CTNNA3: variants seen among roughly 807,000 people sequenced by gnomAD.
The protein encoded by CTNNA3 is catenin alpha-3.
Under a neutral mutation model 95.7 loss-of-function variants are expected in CTNNA3, and 76 were observed. That is an observed-to-expected ratio of 0.79 (90% CI 0.66 to 0.96). The LOEUF (loss-of-function observed/expected upper bound fraction) is 0.96. Among genes scored for constraint, CTNNA3 ranks in the 40% least tolerant of loss-of-function variants. CTNNA3 has a pLI of 0.00. For missense variants in CTNNA3, 1,191 were observed against 1,089.8 expected, an observed-to-expected ratio of 1.09 and a Z score of -1.31; for synonymous variants, 431 against 374.4, an observed-to-expected ratio of 1.15 and a Z score of -1.74.
intron 5 of CTNNA3, among the ~76,000 whole-genome samples, chr10:67,239,232 C>A (rs549677435): frequency 6.6e-6 from 1 of 152,062 alleles, no homozygotes; most frequent in East Asian, 1.9e-4. Context: ...AGAGGATACA[C>A]ACATATGGAA....
chr10:66,774,562 G>A (rs1840218457), intron 8 of CTNNA3, among the ~76,000 whole-genome samples: 1 of 40,872 alleles, frequency 2.4e-5, no homozygotes, highest in Non-Finnish European at 4.0e-5. Flanking sequence ...TAACTGGCTG[G>A]AGATCTCTAT....
chr10:65,988,557 A>G lies in CTNNA3; in HGVS notation c.2265+135T>C, dbSNP rs1195958483. The G allele has an allele frequency of 8.1e-6, 5 of 617,154 alleles. No individual in the cohort carries two copies. The East Asian group carries it at 1.4e-4, about 17-fold the overall frequency. 38.2% of individuals were successfully genotyped at this position (617,154 alleles called of 1,614,324 possible). ...CGTCCATTACCTAGTGTATTAATAG[A>G]GCTATTAGAAATTCAATTATAATTT... On this transcript the variant is annotated intron_variant, in intron 16 of 17. Coordinates refer to ENST00000433211, the MANE Select transcript of CTNNA3 (RefSeq NM_013266.4).
In CTNNA3 at chr10:67,162,154, T is replaced by C. The variant is rs116017422; in HGVS notation, c.1047+18163A>G. Reference sequence around the variant, plus strand: ...AAAATCAGCTAGGATATAGAAAAATTCAACAATACCATCAACCAACAGATT... The same window carrying C: ...AAAATCAGCTAGGATATAGAAAAATCCAACAATACCATCAACCAACAGATT... On this transcript the variant is annotated intron_variant, in intron 7 of 17. Transcript: ENST00000433211. 5.1e-3 allele frequency among the ~76,000 whole-genome samples: 779 copies of C among 152,094 alleles called. 6 individuals carry two copies. The highest frequency in any genetic ancestry group is 0.018 in the African/African-American group (729 of 41,548).
chr10:67,294,073 T>C (rs1161710485), intron 5 of CTNNA3, among the ~76,000 whole-genome samples: 1 of 152,144 alleles, frequency 6.6e-6, no homozygotes, highest in African/African-American at 2.4e-5. Flanking sequence ...GCTTATCTAA[T>C]ACCAGTCAAA....
chr10:66,046,725 A>G (rs533790321), intron 15 of CTNNA3, among the ~76,000 whole-genome samples: 214 of 152,252 alleles, frequency 1.4e-3, no homozygotes, highest in Non-Finnish European at 2.0e-3. Context: ...TATTATACCT[A>G]GACAAATAAG....
chr10:67,622,613 C>T (rs921322086), intron 2 of CTNNA3, among the ~76,000 whole-genome samples: 6 of 152,192 alleles, frequency 3.9e-5, no homozygotes, highest in Admixed American at 6.5e-5. Context: ...GTATCCTTGC[C>T]ATGCACGCTC....
chr10:67,461,915 A>C (rs954588532), intron 5 of CTNNA3, among the ~76,000 whole-genome samples: 4 of 152,224 alleles, frequency 2.6e-5, no homozygotes, highest in Non-Finnish European at 4.4e-5. Context: ...GTATGAATTC[A>C]CAGAAGAAAT....
intron 13 of CTNNA3, among the ~76,000 whole-genome samples, chr10:66,106,133 G>T (rs1292412198): frequency 6.6e-6 from 1 of 151,820 alleles, no homozygotes; most frequent in Non-Finnish European, 1.5e-5. Flanking sequence ...CTTGAATCCA[G>T]GCGGCGGAGG....
chr10:66,589,139 T>C (rs1320767715), intron 10 of CTNNA3, among the ~76,000 whole-genome samples: 5 of 152,064 alleles, frequency 3.3e-5, no homozygotes, highest in Non-Finnish European at 7.4e-5. Context: ...AGTTTCACTT[T>C]GTCCTGAAGT....
At chr10:67,707,516 T>G (rs1336806813) in intron 1 of CTNNA3, among the ~76,000 whole-genome samples, 3 of 152,146 alleles carry the variant, frequency 2.0e-5, no homozygotes, top group African/African-American at 7.2e-5. Flanking sequence ...ATCCTTCACC[T>G]TCTCATAGAG....
At chr10:67,317,637 G>T (rs1204653718) in intron 5 of CTNNA3, among the ~76,000 whole-genome samples, 3 of 152,108 alleles carry the variant, frequency 2.0e-5, no homozygotes, top group African/African-American at 4.8e-5. Flanking sequence ...ATGTTAGCCA[G>T]GATGGTGTCG....
At chr10:67,510,687 G>A (rs1839593982) in intron 5 of CTNNA3, among the ~76,000 whole-genome samples, 1 of 151,926 alleles carries the variant, frequency 6.6e-6, no homozygotes, top group South Asian at 2.1e-4. Context: ...GCTCTTTTTT[G>A]GTTCTGTATG....
chr10:67,238,840 G>T (rs1199859979), intron 5 of CTNNA3, among the ~76,000 whole-genome samples: 1 of 151,970 alleles, frequency 6.6e-6, no homozygotes, highest in Non-Finnish European at 1.5e-5. Context: ...TTGAATGCAA[G>T]TACTATGGCT....
At chr10:66,416,550 TAA>T (rs35117151) in intron 11 of CTNNA3, among the ~76,000 whole-genome samples, 8 of 72,522 alleles carry the variant, frequency 1.1e-4, no homozygotes, top group South Asian at 5.5e-4. Flanking sequence ...TTTTTTTTTT[TAA>T]AAAAAAGCAA....
chr10:67,450,684 A>G (rs907557758), intron 5 of CTNNA3, among the ~76,000 whole-genome samples: 2 of 152,110 alleles, frequency 1.3e-5, no homozygotes, highest in African/African-American at 4.8e-5. Context: ...ATTGGGTACT[A>G]GGCTTAATAC....
chr10:67,287,284 G>A (rs924350870), intron 5 of CTNNA3, among the ~76,000 whole-genome samples: 5 of 152,014 alleles, frequency 3.3e-5, no homozygotes, highest in African/African-American at 9.7e-5. Flanking sequence ...GTTGCAGTGA[G>A]CCCAGATCCC....
intron 5 of CTNNA3, among the ~76,000 whole-genome samples, chr10:67,385,512 C>T (rs1476042783): frequency 4.6e-5 from 7 of 152,162 alleles, no homozygotes; most frequent in Non-Finnish European, 1.0e-4. Context: ...TGGTTTTCAG[C>T]CTTCTTCACA....
chr10:67,095,562 G>A (rs947438887), intron 7 of CTNNA3, among the ~76,000 whole-genome samples: 12 of 151,710 alleles, frequency 7.9e-5, no homozygotes, highest in Non-Finnish European at 1.6e-4. Context: ...GAAATTGTGT[G>A]TGCACACACA....
intron 11 of CTNNA3, among the ~76,000 whole-genome samples, chr10:66,384,510 C>A (rs913962241): frequency 1.3e-5 from 2 of 152,128 alleles, no homozygotes; most frequent in African/African-American, 4.8e-5. Flanking sequence ...TAACACCCCA[C>A]TGTCAATATT....
Sources: gnomAD v4.1 joint callset for allele counts (sites outside exome capture counted in the v4.1 genomes callset) on GRCh38, gnomAD v4.1.1 for gene constraint, MANE v1.5 for transcripts, NCBI Gene and HGNC (gene_info 2026-07-23, HGNC 2026-07-21) for gene names.